CHD6: variants seen among roughly 807,000 people sequenced by gnomAD.
CHD6 encodes the protein chromodomain helicase DNA binding protein 6.
In CHD6, 50 loss-of-function variants were observed where a neutral mutation model predicts 276.9. That is an observed-to-expected ratio of 0.18 (90% confidence interval 0.14 to 0.23). CHD6 has a LOEUF of 0.23. CHD6 is among the 10% of genes least tolerant of loss of function. The pLI, the probability that CHD6 is intolerant of heterozygous loss-of-function variation, is 1.00. For missense variants in CHD6, 2,564 were observed against 3,365.8 expected (o/e 0.76, Z 5.89); for synonymous variants, 1,173 against 1,229.3 (o/e 0.95, Z 0.96).
intron 17 of CHD6, among the ~76,000 whole-genome samples, chr20:41,470,646 A>G (rs924382639): frequency 1.3e-5 from 2 of 152,232 alleles, no homozygotes; most frequent in African/African-American, 4.8e-5. Flanking sequence ...CAGCTACTCC[A>G]AAGCTTCTCC....
intron 1 of CHD6, among the ~76,000 whole-genome samples, chr20:41,569,549 T>C (rs931790715): frequency 2.6e-5 from 4 of 152,132 alleles, no homozygotes; most frequent in African/African-American, 9.7e-5. Context: ...AATCACAGAA[T>C]AAAGCCTGTT....
chr20:41,425,412 G>A lies in CHD6; in HGVS notation c.4130-18C>T. ...ATCCTGGGCTTCAAACATCAGTGAGGATATTAGTATTTACAAACAGAACTA... is the reference window on the plus strand; with the variant it reads ...ATCCTGGGCTTCAAACATCAGTGAGAATATTAGTATTTACAAACAGAACTA... On this transcript the variant is annotated intron_variant, in intron 28 of 36. Transcript: ENST00000373233. 6.2e-7 allele frequency: 1 copy of A among 1,604,408 alleles called. No homozygotes were observed. Among genetic ancestry groups the A allele is most frequent in the African/African-American group, 1.3e-5 (1 of 74,864 alleles).
Position 41,420,837 on chromosome 20 carries a change from G to A in CHD6, c.5798C>T (p.Pro1933Leu). Reference protein sequence around the residue: ...TPGLQRAFPAPAACQCHCKHM... With the variant: ...TPGLQRAFPALAACQCHCKHM... ...TTTGCAGTGGCACTGACAGGCTGCT[G>A]GAGCGGGGAAAGCCCTCTGTAGCCC... The change falls in exon 31 of 37, where the codon CCA (proline) becomes CTA (leucine). Residue 1933 changes from proline to leucine, a missense_variant. Pro to Leu is a moderately conservative substitution (Grantham distance 98). Coordinates refer to ENST00000373233, the MANE Select transcript of CHD6 (RefSeq NM_032221.5). 9 of 1,614,202 alleles carry A rather than the reference G, an allele frequency of 5.6e-6. No homozygotes were observed. Among genetic ancestry groups the A allele is most frequent in the Non-Finnish European group, 7.6e-6 (9 of 1,180,042 alleles).
intron 5 of CHD6, among the ~76,000 whole-genome samples, chr20:41,506,263 C>T (rs77147135): frequency 0.049 from 7,503 of 152,236 alleles, 243 homozygotes; most frequent in Non-Finnish European, 0.082. Flanking sequence ...CTGCTTAAAA[C>T]GCTTCTCTTT....
At chr20:41,589,560 C>T (rs1302814677) in intron 1 of CHD6, among the ~76,000 whole-genome samples, 1 of 152,168 alleles carries the variant, frequency 6.6e-6, no homozygotes, top group Non-Finnish European at 1.5e-5. Flanking sequence ...CACAAGCATT[C>T]TTATACACCA....
intron 17 of CHD6, among the ~76,000 whole-genome samples, chr20:41,465,645 CA>C (rs1289033959): frequency 6.6e-6 from 1 of 152,132 alleles, no homozygotes; most frequent in East Asian, 1.9e-4. Context: ...TAAAGAGTAT[CA>C]TATCAATGTT....
intron 25 of CHD6, among the ~76,000 whole-genome samples, chr20:41,444,385 AC>A (rs1439457034): frequency 6.6e-6 from 1 of 152,226 alleles, no homozygotes; most frequent in Non-Finnish European, 1.5e-5. Context: ...CAATAGCCAC[AC>A]AGGGCTAGTG....
At chr20:41,445,601 G>A (rs1386067933) in intron 25 of CHD6, 64 bp downstream of exon 25, 3 of 1,021,632 alleles carry the variant, frequency 2.9e-6, no homozygotes, top group East Asian at 4.8e-5. Flanking sequence ...TAGTTGGAGG[G>A]GCTGAACTCA....
intron 2 of CHD6, among the ~76,000 whole-genome samples, chr20:41,539,037 G>C (rs1046646218): frequency 2.0e-5 from 3 of 152,172 alleles, no homozygotes; most frequent in Admixed American, 2.0e-4. Flanking sequence ...TGACTCCACT[G>C]AACTCTAACT....
chr20:41,614,632 CT>C (rs1231722685), intron 1 of CHD6: 1 of 152,132 alleles, frequency 6.6e-6, no homozygotes, highest in African/African-American at 2.4e-5. Flanking sequence ...AAACATTTTT[CT>C]TTGGATTTTA....
intron 36 of CHD6, among the ~76,000 whole-genome samples, chr20:41,408,068 AT>A (rs2046732400): frequency 6.6e-6 from 1 of 152,200 alleles, no homozygotes; most frequent in Admixed American, 6.5e-5. Flanking sequence ...TATTAAAAAA[AT>A]AAAAAATAAA....
At chr20:41,562,122 A>C (rs76253770) in intron 1 of CHD6, among the ~76,000 whole-genome samples, 2 of 151,774 alleles carry the variant, frequency 1.3e-5, no homozygotes, top group East Asian at 1.9e-4. Context: ...CAAAAAAAAA[A>C]CTCTTCATGT....
intron 1 of CHD6, 145 bp from the exon 2 acceptor site, chr20:41,551,505 G>C (rs148473728): frequency 5.4e-6 from 3 of 550,912 alleles, no homozygotes; most frequent in Non-Finnish European, 9.6e-6. Flanking sequence ...CTCCAGAGCC[G>C]TAAGTGTACA....
intron 1 of CHD6, among the ~76,000 whole-genome samples, chr20:41,613,675 T>C (rs932386108): frequency 6.6e-6 from 1 of 152,242 alleles, no homozygotes; most frequent in Non-Finnish European, 1.5e-5. Context: ...ATTTTGTTCA[T>C]GCAAAGCAGT....
At chr20:41,535,290 C>T (rs2044802410) in intron 2 of CHD6, among the ~76,000 whole-genome samples, 1 of 152,204 alleles carries the variant, frequency 6.6e-6, no homozygotes, top group Admixed American at 6.5e-5. Context: ...CATATGGGTA[C>T]ACTAGGGCTT....
At chr20:41,434,380 C>T (rs1242703610) in intron 27 of CHD6, among the ~76,000 whole-genome samples, 2 of 152,090 alleles carry the variant, frequency 1.3e-5, no homozygotes, top group African/African-American at 4.8e-5. Flanking sequence ...TCTCTCTATA[C>T]ATTTTTTTGA....
chr20:41,434,134 C>T (rs192176149), intron 27 of CHD6, among the ~76,000 whole-genome samples: 108 of 152,006 alleles, frequency 7.1e-4, no homozygotes, highest in Non-Finnish European at 1.3e-3. Context: ...ACCGGCAGAG[C>T]GTATTAAAGA....
At chr20:41,413,132 T>C (rs1000620118) in intron 35 of CHD6, among the ~76,000 whole-genome samples, 192 bp downstream of exon 35, 1 of 152,242 alleles carries the variant, frequency 6.6e-6, no homozygotes, top group Non-Finnish European at 1.5e-5. Flanking sequence ...TGGGCTATCA[T>C]TTCTATTACT....
At chr20:41,456,202 T>C (rs2048372637) in intron 18 of CHD6, among the ~76,000 whole-genome samples, 2 of 152,064 alleles carry the variant, frequency 1.3e-5, no homozygotes, top group South Asian at 4.1e-4. Context: ...GCTCAGCACA[T>C]GATCCAAGGT....
Sources: allele counts gnomAD v4.1 joint callset (sites outside exome capture counted in the v4.1 genomes callset), GRCh38; gene constraint gnomAD v4.1.1; transcripts MANE v1.5; gene names NCBI Gene and HGNC (gene_info 2026-07-23, HGNC 2026-07-21).